Variants in GABRG3 observed in about 807,000 individuals in gnomAD.
GABRG3 encodes the protein gamma-aminobutyric acid receptor subunit gamma-3.
A neutral mutation model predicts 48.8 loss-of-function variants in GABRG3; 25 were observed. The observed-to-expected ratio is 0.51, with a 90% CI of 0.37 to 0.72. The LOEUF is 0.72. GABRG3 is among the 30% of genes least tolerant of loss of function. The pLI is 0.00. For synonymous variants in GABRG3, 227 were observed against 217.6 expected (o/e 1.04, Z -0.38); for missense variants, 394 against 577.9 (o/e 0.68, Z 3.26).
chr15:27,463,632 G>A (rs1366028711), intron 5 of GABRG3, among the ~76,000 whole-genome samples: 1 of 152,114 alleles, frequency 6.6e-6, no homozygotes, highest in African/African-American at 2.4e-5. Flanking sequence ...GGCCTCCCTA[G>A]CACCTTCTTC....
chr15:27,009,794 G>C (rs1490882751), intron 2 of GABRG3, among the ~76,000 whole-genome samples: 2 of 152,142 alleles, frequency 1.3e-5, no homozygotes, highest in Non-Finnish European at 2.9e-5. Context: ...TCTCTCCTAA[G>C]ATGTAAAGCA....
At chr15:27,313,285 T>TATATATATATATATATAC in intron 3 of GABRG3, among the ~76,000 whole-genome samples, 1 of 108,722 alleles carries the variant, frequency 9.2e-6, no homozygotes, top group South Asian at 3.5e-4. Flanking sequence ...TATATATATA[T>TATATATATATATATATAC]ATATATATAT....
At chr15:27,299,832 T>C (rs1450269590) in intron 3 of GABRG3, among the ~76,000 whole-genome samples, 3 of 152,072 alleles carry the variant, frequency 2.0e-5, no homozygotes, top group African/African-American at 7.2e-5. Flanking sequence ...GAGCCCCAAG[T>C]TTCTAGCCAG....
intron 3 of GABRG3, among the ~76,000 whole-genome samples, chr15:27,203,643 A>G (rs748031502): frequency 1.4e-4 from 21 of 152,166 alleles, no homozygotes; most frequent in Non-Finnish European, 2.6e-4. Context: ...GTCTGAACTA[A>G]TTTACATTCC....
intron 3 of GABRG3, among the ~76,000 whole-genome samples, chr15:27,040,643 A>G (rs1438026798): frequency 6.6e-6 from 1 of 152,222 alleles, no homozygotes; most frequent in African/African-American, 2.4e-5. Flanking sequence ...CTCTCATAAT[A>G]CAGCAGTCTA....
chr15:27,122,417 C>T (rs1897746528), intron 3 of GABRG3, among the ~76,000 whole-genome samples: 1 of 152,164 alleles, frequency 6.6e-6, no homozygotes, highest in African/African-American at 2.4e-5. Context: ...GAAAGTGAAG[C>T]AAAGAAACAT....
At chr15:27,381,572 A>G (rs534109682) in intron 5 of GABRG3, among the ~76,000 whole-genome samples, 1 of 152,274 alleles carries the variant, frequency 6.6e-6, no homozygotes, top group Non-Finnish European at 1.5e-5. Context: ...TTCTGCTCCA[A>G]TATGTTGTCA....
intron 6 of GABRG3, among the ~76,000 whole-genome samples, chr15:27,513,598 G>A (rs893645919): frequency 2.6e-5 from 4 of 152,068 alleles, no homozygotes; most frequent in Non-Finnish European, 4.4e-5. Context: ...TGATAGATGT[G>A]TAAATCAAAC....
intron 3 of GABRG3, among the ~76,000 whole-genome samples, chr15:27,176,050 A>G (rs1376377763): frequency 6.6e-6 from 1 of 152,142 alleles, no homozygotes; most frequent in Non-Finnish European, 1.5e-5. Context: ...AAAGAAAGAA[A>G]AAAGAAAACA....
At chr15:27,256,975 T>C (rs1890639343) in intron 3 of GABRG3, among the ~76,000 whole-genome samples, 1 of 152,194 alleles carries the variant, frequency 6.6e-6, no homozygotes, top group African/African-American at 2.4e-5. Context: ...CAATTTTTGA[T>C]TTTGTGAGGA....
intron 5 of GABRG3, among the ~76,000 whole-genome samples, chr15:27,351,499 G>A (rs1020534402): frequency 1.4e-5 from 2 of 144,770 alleles, no homozygotes; most frequent in African/African-American, 5.2e-5. Flanking sequence ...TGGTGTGTGT[G>A]TGTTGGTATG....
chr15:27,506,573 C>T (rs557584388), intron 6 of GABRG3, among the ~76,000 whole-genome samples: 139 of 152,194 alleles, frequency 9.1e-4, no homozygotes, highest in Admixed American at 2.7e-3. Flanking sequence ...TCCCTAGAGC[C>T]CCCAGAAAAG....
At chr15:27,013,501 G>C (rs1195869759) in intron 2 of GABRG3, among the ~76,000 whole-genome samples, 1 of 151,790 alleles carries the variant, frequency 6.6e-6, no homozygotes, top group Non-Finnish European at 1.5e-5. Flanking sequence ...TATAGTTTTT[G>C]GTCTCATATT....
At chr15:27,401,500 G>A (rs768902845) in intron 5 of GABRG3, among the ~76,000 whole-genome samples, 15 of 152,112 alleles carry the variant, frequency 9.9e-5, no homozygotes, top group Non-Finnish European at 1.8e-4. Flanking sequence ...ATTCTGGATC[G>A]CATTCAACTT....
chr15:27,042,434 C>T (rs567819268), intron 3 of GABRG3, among the ~76,000 whole-genome samples: 1 of 152,336 alleles, frequency 6.6e-6, no homozygotes, highest in African/African-American at 2.4e-5. Flanking sequence ...CACACTGCTG[C>T]CAAGCCGCCC....
intron 3 of GABRG3, among the ~76,000 whole-genome samples, chr15:27,205,927 A>G (rs1888838123): frequency 6.6e-6 from 1 of 151,740 alleles, no homozygotes. Flanking sequence ...CTCCTTTGTC[A>G]TTTCTGATTG....
At chr15:26,992,771 A>G (rs1312826260) in intron 2 of GABRG3, among the ~76,000 whole-genome samples, 2 of 152,074 alleles carry the variant, frequency 1.3e-5, no homozygotes, top group Admixed American at 1.3e-4. Flanking sequence ...TTTTAGGAAC[A>G]GTTTGAGTAG....
At chr15:27,276,350 C>T (rs954731412) in intron 3 of GABRG3, among the ~76,000 whole-genome samples, 5 of 152,154 alleles carry the variant, frequency 3.3e-5, no homozygotes, top group African/African-American at 1.2e-4. Flanking sequence ...ATATGCTGTG[C>T]CAATGGTGCA....
chr15:27,377,725 C>T (rs1566813238), intron 5 of GABRG3, among the ~76,000 whole-genome samples: 1 of 152,156 alleles, frequency 6.6e-6, no homozygotes, highest in Non-Finnish European at 1.5e-5. Flanking sequence ...CAAATCATAC[C>T]AGGCCATGAA....
Sources: allele counts gnomAD v4.1 joint callset (sites outside exome capture counted in the v4.1 genomes callset), GRCh38; gene constraint gnomAD v4.1.1; transcripts MANE v1.5; gene names NCBI Gene and HGNC (gene_info 2026-07-23, HGNC 2026-07-21).